CNBD1: variants seen among roughly 807,000 people sequenced by gnomAD.
CNBD1 encodes cyclic nucleotide-binding domain-containing protein 1.
Under a neutral mutation model 54.4 loss-of-function variants are expected in CNBD1, and 71 were observed. The ratio of observed to expected loss-of-function variants is 1.30; its 90% confidence interval spans 1.08 to 1.59. The LOEUF is 1.59. CNBD1 is among the 40% of genes most tolerant of loss of function. The pLI is 0.00. For missense variants in CNBD1, 659 were observed against 518.0 expected (o/e 1.27, Z -2.64); for synonymous variants, 182 against 170.7 (o/e 1.07, Z -0.51).
intron 3 of CNBD1, among the ~76,000 whole-genome samples, chr8:86,925,061 CTTATA>C (rs555274956): frequency 6.6e-5 from 10 of 152,252 alleles, no homozygotes; most frequent in South Asian, 2.1e-4. Flanking sequence ...AATATTCTTT[CTTATA>C]TTATAAGAGA....
intron 1 of CNBD1, among the ~76,000 whole-genome samples, chr8:86,883,245 C>T (rs1459522783): frequency 2.6e-5 from 4 of 151,794 alleles, no homozygotes; most frequent in Admixed American, 2.6e-4. Flanking sequence ...TTAATCCAGA[C>T]AAAATTCAGG....
chr8:86,938,485 C>T (rs1809590680), intron 3 of CNBD1, among the ~76,000 whole-genome samples: 1 of 152,212 alleles, frequency 6.6e-6, no homozygotes, highest in Non-Finnish European at 1.5e-5. Context: ...AATAGACTCA[C>T]AGTTCCACAT....
intron 6 of CNBD1, among the ~76,000 whole-genome samples, chr8:87,282,749 C>T (rs1167491200): frequency 6.6e-6 from 1 of 151,760 alleles, no homozygotes; most frequent in East Asian, 1.9e-4. Flanking sequence ...TTCATAATGG[C>T]TTATTAGGTA....
intron 4 of CNBD1, among the ~76,000 whole-genome samples, chr8:87,107,580 T>C (rs1368813828): frequency 6.6e-6 from 1 of 152,240 alleles, no homozygotes; most frequent in Non-Finnish European, 1.5e-5. Flanking sequence ...TTGTTTTATC[T>C]ATGAGAATAT....
At chr8:87,292,435 G>T (rs962495553) in intron 8 of CNBD1, among the ~76,000 whole-genome samples, 1 of 152,164 alleles carries the variant, frequency 6.6e-6, no homozygotes, top group African/African-American at 2.4e-5. Flanking sequence ...TGGTCATCAT[G>T]TTTAATTCTC....
chr8:87,399,950 T>C (rs1341837233), intron 2 of CNBD1, among the ~76,000 whole-genome samples: 1 of 151,706 alleles, frequency 6.6e-6, no homozygotes, highest in Non-Finnish European at 1.5e-5. Context: ...CATCAGAAAA[T>C]GATAAAAGGC....
intron 1 of CNBD1, among the ~76,000 whole-genome samples, chr8:86,884,715 T>C (rs1343419983): frequency 6.6e-6 from 1 of 152,244 alleles, no homozygotes. Flanking sequence ...ATTCACCTTC[T>C]GCTTATTATT....
At chr8:87,063,164 C>G (rs1810580187) in intron 4 of CNBD1, among the ~76,000 whole-genome samples, 1 of 152,128 alleles carries the variant, frequency 6.6e-6, no homozygotes, top group South Asian at 2.1e-4. Flanking sequence ...GCAACCCTAT[C>G]ATATGATGAA....
chr8:87,083,878 G>A lies in CNBD1; in HGVS notation c.432-122115G>A, dbSNP rs544586855. 5.5e-4 allele frequency among the ~76,000 whole-genome samples: 84 copies of A among 152,032 alleles called. 1 individual carries two copies. Among genetic ancestry groups the A allele is most frequent in the South Asian group, 4.8e-3 (23 of 4,808 alleles). ...GCTGGGATTACAGGCTTGAGCCACCGCGCCTGGCCAAACCAATGTATTTCT... is the reference window on the plus strand; with the variant it reads ...GCTGGGATTACAGGCTTGAGCCACCACGCCTGGCCAAACCAATGTATTTCT... On this transcript the variant is annotated intron_variant, in intron 4 of 10. Transcript: ENST00000518476.
At chr8:87,384,661 A>C (rs978873806), downstream of CNBD1, among the ~76,000 whole-genome samples, 2 of 152,186 alleles carry the variant, frequency 1.3e-5, no homozygotes, top group East Asian at 3.9e-4. Flanking sequence ...GTATTAAATA[A>C]ATGTATGTTT....
chr8:87,407,518 T>A (rs1272710716), intron 2 of CNBD1, among the ~76,000 whole-genome samples: 1 of 152,036 alleles, frequency 6.6e-6, no homozygotes, highest in Non-Finnish European at 1.5e-5. Flanking sequence ...TATCTCAGAA[T>A]GGAATTTCTA....
intron 2 of CNBD1, among the ~76,000 whole-genome samples, chr8:87,393,059 A>G (rs897612510): frequency 2.0e-5 from 3 of 151,932 alleles, no homozygotes; most frequent in Non-Finnish European, 2.9e-5. Flanking sequence ...GGCTTAGGAC[A>G]GAGGAATTAT....
At chr8:87,267,598 C>A (rs1291556501) in intron 6 of CNBD1, among the ~76,000 whole-genome samples, 1 of 152,056 alleles carries the variant, frequency 6.6e-6, no homozygotes, top group Non-Finnish European at 1.5e-5. Context: ...ATCACAATTG[C>A]TTCATAGCTA....
chr8:87,011,181 T>A (rs1264493523), intron 4 of CNBD1, among the ~76,000 whole-genome samples: 2 of 78,320 alleles, frequency 2.6e-5, no homozygotes, highest in Non-Finnish European at 6.1e-5. Flanking sequence ...TAGAGTTTGG[T>A]TTTTTTTTTT....
intron 8 of CNBD1, among the ~76,000 whole-genome samples, chr8:87,344,825 G>T (rs988276633): frequency 5.9e-5 from 9 of 152,098 alleles, no homozygotes; most frequent in Non-Finnish European, 1.3e-4. Context: ...CTGAAACAAT[G>T]CTGCTTAAAT....
rs73693025 is a variant in CNBD1 at position 87,097,477 on chromosome 8, T to C, written c.432-108516T>C. ...CGATGTGTACCAAGAAAAACATTTA[T>C]GTTTCTTCACTTGACAAGCACAAGT... On this transcript the variant is annotated intron_variant, in intron 4 of 10. Coordinates refer to ENST00000518476, the MANE Select transcript of CNBD1 (RefSeq NM_173538.3). Among the ~76,000 whole-genome samples, 630 of 152,362 alleles carry C rather than the reference T, an allele frequency of 4.1e-3. 5 individuals carry two copies. Among genetic ancestry groups the C allele is most frequent in the African/African-American group, 0.014 (596 of 41,594 alleles).
intron 5 of CNBD1, among the ~76,000 whole-genome samples, chr8:87,233,732 G>T (rs2130823168): frequency 6.6e-6 from 1 of 152,184 alleles, no homozygotes; most frequent in East Asian, 1.9e-4. Context: ...AGTCTCCCAA[G>T]TAGCTGGGAC....
At chr8:86,917,138 T>A (rs1032579143) in intron 3 of CNBD1, among the ~76,000 whole-genome samples, 14 of 141,956 alleles carry the variant, frequency 9.9e-5, no homozygotes, top group African/African-American at 3.5e-4. Context: ...CGAGACTCTG[T>A]CTCAAAAAAG....
At chr8:86,978,199 G>GA (rs201583836) in intron 4 of CNBD1, among the ~76,000 whole-genome samples, 2 of 151,798 alleles carry the variant, frequency 1.3e-5, no homozygotes, top group Non-Finnish European at 2.9e-5. Flanking sequence ...TAATTTATAG[G>GA]AAAAAAATCC....
Sources: gnomAD v4.1 joint callset for allele counts (sites outside exome capture counted in the v4.1 genomes callset) on GRCh38, gnomAD v4.1.1 for gene constraint, MANE v1.5 for transcripts, NCBI Gene and HGNC (gene_info 2026-07-23, HGNC 2026-07-21) for gene names.